Variants in LSM12 observed in about 807,000 individuals in gnomAD.
The protein encoded by LSM12 is protein LSM12.
For missense variants in LSM12, 108 were observed against 238.9 expected (o/e 0.45, Z 3.61); for synonymous variants, 74 against 87.3 (o/e 0.85, Z 0.85).
chr17:44,045,734 C>T (rs12449911), intron 2 of LSM12, among the ~76,000 whole-genome samples: 1 of 151,168 alleles, frequency 6.6e-6, no homozygotes, highest in Non-Finnish European at 1.5e-5. Context: ...CCACGCCCAG[C>T]TAAGGTGTTG....
chr17:44,043,371 A>G (rs2049520231), intron 2 of LSM12, among the ~76,000 whole-genome samples: 1 of 152,222 alleles, frequency 6.6e-6, no homozygotes, highest in African/African-American at 2.4e-5. Flanking sequence ...CTACCAGGCT[A>G]TAACTTTACA....
intron 2 of LSM12, among the ~76,000 whole-genome samples, chr17:44,041,983 T>A (rs1467496054): frequency 1.3e-5 from 2 of 152,110 alleles, no homozygotes; most frequent in Non-Finnish European, 2.9e-5. Context: ...AAACATCAGT[T>A]CCTTAAATAA....
intron 1 of LSM12, among the ~76,000 whole-genome samples, chr17:44,064,848 T>C (rs1440725191): frequency 6.6e-6 from 1 of 151,864 alleles, no homozygotes; most frequent in Non-Finnish European, 1.5e-5. Context: ...AAAGCAACTA[T>C]TCTTAGGCCG....
chr17:44,037,359 A>C, intron 4 of LSM12, 53 bp downstream of exon 4: 1 of 1,522,152 alleles, frequency 6.6e-7, no homozygotes, highest in South Asian at 1.3e-5. Context: ...TAAAGACTGA[A>C]GGCCTGAGGA....
At chr17:44,045,752 T>C (rs1398365673) in intron 2 of LSM12, among the ~76,000 whole-genome samples, 4 of 151,164 alleles carry the variant, frequency 2.6e-5, no homozygotes, top group Middle Eastern at 3.3e-3. Context: ...TTGTATTTTT[T>C]TGTAGAGACA....
intron 2 of LSM12, among the ~76,000 whole-genome samples, chr17:44,046,747 CTTTTTTTTTTTCT>C (rs1402476266): frequency 0.021 from 2,360 of 112,450 alleles, 80 homozygotes; most frequent in African/African-American, 0.074. Flanking sequence ...AAACTGTTTT[CTTTTTTTTTTTCT>C]TTTTTTTTTT....
At chr17:44,046,633 G>A (rs1597887509) in intron 2 of LSM12, among the ~76,000 whole-genome samples, 1 of 149,570 alleles carries the variant, frequency 6.7e-6, no homozygotes, top group Admixed American at 6.6e-5. Flanking sequence ...CGTGAACTCA[G>A]GAGGCGGAGC....
At chr17:44,045,398 C>A (rs1350589703) in intron 2 of LSM12, among the ~76,000 whole-genome samples, 1 of 152,136 alleles carries the variant, frequency 6.6e-6, no homozygotes, top group African/African-American at 2.4e-5. Context: ...TGTTGACTTA[C>A]GTCTCTGGCT....
intron 4 of LSM12, 91 bp downstream of exon 4, chr17:44,037,321 A>C (rs1175249710): frequency 7.1e-7 from 1 of 1,405,532 alleles, no homozygotes; most frequent in Non-Finnish European, 9.4e-7. Context: ...GGAGGCAGAG[A>C]CTGTAGCACA....
intron 3 of LSM12, among the ~76,000 whole-genome samples, chr17:44,038,478 GA>G (rs1489973791): frequency 1.3e-5 from 2 of 151,972 alleles, no homozygotes; most frequent in African/African-American, 4.8e-5. Flanking sequence ...TCAACATGAT[GA>G]AACTGTCTCT....
chr17:44,041,995 AAG>A (rs1189382792), intron 2 of LSM12, among the ~76,000 whole-genome samples: 1 of 152,344 alleles, frequency 6.6e-6, no homozygotes, highest in African/African-American at 2.4e-5. Context: ...CTTAAATAAA[AAG>A]AGGCACTGGC....
rs373983060 is a variant in LSM12 at position 44,063,942 on chromosome 17, GAA to G, written c.125-10_125-9del. ...CACTGGAAGAGGGACATTCTGGTGAGAAAAAAAAAAGTTAAGGAAAAATAGGA... is the reference window on the plus strand; with the variant it reads ...CACTGGAAGAGGGACATTCTGGTGAGAAAAAAAAGTTAAGGAAAAATAGGA... On this transcript the variant is annotated splice_polypyrimidine_tract_variant and intron_variant, in intron 1 of 4. Coordinates refer to ENST00000293406, the MANE Select transcript of LSM12 (RefSeq NM_001371445.1). 1.3e-6 allele frequency: 2 copies of G among 1,489,120 alleles called. No individual in the cohort carries two copies. Among genetic ancestry groups the G allele is most frequent in the Non-Finnish European group, 1.8e-6 (2 of 1,097,962 alleles). The allele number at this position is 1,489,120 out of a possible 1,614,324, so 92.2% of individuals were successfully genotyped here. A position where few individuals can be genotyped will look rare whatever the true frequency, so the allele number is the denominator to read the frequency against.
At chr17:44,064,459 G>A (rs954937188) in intron 1 of LSM12, among the ~76,000 whole-genome samples, 5 of 152,168 alleles carry the variant, frequency 3.3e-5, no homozygotes, top group African/African-American at 4.8e-5. Flanking sequence ...CCAGGCTCAC[G>A]TGATGGCTCA....
chr17:44,045,869 G>A lies in LSM12; in HGVS notation c.259-5613C>T, dbSNP rs1272364432. Among the ~76,000 whole-genome samples, 3 of 151,288 alleles carry A rather than the reference G, an allele frequency of 2.0e-5. No homozygotes were observed. The East Asian group carries it at 5.8e-4, about 29-fold the overall frequency. Reference sequence around the variant, plus strand: ...ATTACAGGCATGAGCCACCCTACCCGGCTGTTTCCAGTTTTTGGCAGCAGT... The same window carrying A: ...ATTACAGGCATGAGCCACCCTACCCAGCTGTTTCCAGTTTTTGGCAGCAGT... On this transcript the variant is annotated intron_variant, in intron 2 of 4. Coordinates refer to ENST00000293406, the MANE Select transcript of LSM12 (RefSeq NM_001371445.1).
At chr17:44,051,874 G>A (rs542845572) in intron 2 of LSM12, among the ~76,000 whole-genome samples, 3 of 152,098 alleles carry the variant, frequency 2.0e-5, no homozygotes, top group Admixed American at 6.6e-5. Context: ...TTGAGAGGCC[G>A]AGGCGGGTGG....
At chr17:44,061,718 T>C (rs185822417) in intron 2 of LSM12, among the ~76,000 whole-genome samples, 5 of 152,350 alleles carry the variant, frequency 3.3e-5, no homozygotes, top group African/African-American at 7.2e-5. Context: ...ATACACATTA[T>C]TGCAAGATTC....
At chr17:44,042,104 T>C (rs2049502941) in intron 2 of LSM12, among the ~76,000 whole-genome samples, 2 of 152,130 alleles carry the variant, frequency 1.3e-5, no homozygotes, top group Admixed American at 1.3e-4. Flanking sequence ...CTGGCCAACA[T>C]GGTGAAACCC....
intron 2 of LSM12, among the ~76,000 whole-genome samples, chr17:44,050,391 T>C (rs1394028000): frequency 3.9e-5 from 6 of 152,032 alleles, no homozygotes; most frequent in Non-Finnish European, 7.4e-5. Context: ...GTTACAGGCA[T>C]GCGCCACCGC....
At chr17:44,042,157 T>G (rs1387010698) in intron 2 of LSM12, among the ~76,000 whole-genome samples, 1 of 151,888 alleles carries the variant, frequency 6.6e-6, no homozygotes, top group Non-Finnish European at 1.5e-5. Context: ...TGTGGTGGTG[T>G]GCACCTGTAA....
Sources: gnomAD v4.1 joint callset for allele counts (sites outside exome capture counted in the v4.1 genomes callset) on GRCh38, gnomAD v4.1.1 for gene constraint, MANE v1.5 for transcripts, NCBI Gene and HGNC (gene_info 2026-07-23, HGNC 2026-07-21) for gene names.